The following TRPC6 variants were observed in gnomAD, a reference collection of about 807,000 sequenced individuals.
TRPC6 encodes short transient receptor potential channel 6.
Under a neutral mutation model 90.7 loss-of-function variants are expected in TRPC6, and 55 were observed. That is an observed-to-expected ratio of 0.61 (90% CI 0.49 to 0.76). The LOEUF is 0.76. Among genes scored for constraint, TRPC6 ranks in the 30% least tolerant of loss-of-function variants. TRPC6 has a pLI of 0.00. For missense variants in TRPC6, 989 were observed against 1,122.7 expected (o/e 0.88, Z 1.70); for synonymous variants, 393 against 393.0 (o/e 1.00, Z 0.00).
intron 1 of TRPC6, among the ~76,000 whole-genome samples, chr11:101,517,102 T>C (rs1189118321): frequency 6.6e-6 from 1 of 152,238 alleles, no homozygotes; most frequent in Non-Finnish European, 1.5e-5. Context: ...TTTGTCTATA[T>C]CCATTTGCAG....
Position 101,457,920 on chromosome 11 carries a change from C to G in TRPC6, c.2485-2819G>C, listed in dbSNP as rs7126090. 9.7e-3 allele frequency among the ~76,000 whole-genome samples: 1,476 copies of G among 152,204 alleles called. 35 individuals are homozygous for G. The highest frequency in any genetic ancestry group is 0.034 in the African/African-American group (1,422 of 41,498). On this transcript the variant is annotated intron_variant, in intron 10 of 12. Coordinates refer to ENST00000344327, the MANE Select transcript of TRPC6 (RefSeq NM_004621.6). ...GGCTTTAGGTCTATTTCATGGTTAA[C>G]TTTAATCTACACATACCCCTTTACT...
At position 101,558,203 on chromosome 11, in the gene TRPC6, G is replaced by A. The variant is rs1470986773; in HGVS notation, c.170+25131C>T. ...TATATAAACATACATATATATGTGT[G>A]TGTATACATGTATATATGTATACAT... is the stretch of plus-strand genomic sequence containing the variant. On this transcript the variant is annotated intron_variant, in intron 1 of 12. Coordinates refer to ENST00000344327, the MANE Select transcript of TRPC6 (RefSeq NM_004621.6). 2.8e-4 allele frequency among the ~76,000 whole-genome samples: 22 copies of A among 79,990 alleles called. 4 individuals carry two copies. Among genetic ancestry groups the A allele is most frequent in the Non-Finnish European group, 5.2e-4 (21 of 40,668 alleles). 52.5% of individuals were successfully genotyped at this position (79,990 alleles called of 152,430 possible).
chr11:101,474,836 C>G (rs1859375998), intron 6 of TRPC6, among the ~76,000 whole-genome samples: 1 of 152,146 alleles, frequency 6.6e-6, no homozygotes, highest in South Asian at 2.1e-4. Context: ...ATCCCTTAGT[C>G]ACTTTCTTCC....
At chr11:101,507,384 T>C (rs1437901488) in intron 1 of TRPC6, among the ~76,000 whole-genome samples, 1 of 151,982 alleles carries the variant, frequency 6.6e-6, no homozygotes, top group Non-Finnish European at 1.5e-5. Flanking sequence ...CTAGACTTGA[T>C]GCATGTATGT....
At position 101,463,160 on chromosome 11, in the gene TRPC6, G is replaced by C. The variant is rs559530380; in HGVS notation, c.2484+6267C>G. ...AGCCTTGCATCCCAGGGATGAAGCC[G>C]GCTTGATCATGGTGGATAAGCTTTT... On this transcript the variant is annotated intron_variant, in intron 10 of 12. Transcript: ENST00000344327. 2.5e-3 allele frequency among the ~76,000 whole-genome samples: 375 copies of C among 152,188 alleles called. 4 individuals carry two copies. The highest frequency in any genetic ancestry group is 8.5e-3 in the African/African-American group (353 of 41,514).
intron 4 of TRPC6, among the ~76,000 whole-genome samples, chr11:101,485,238 A>C (rs1424594222): frequency 6.6e-6 from 1 of 151,866 alleles, no homozygotes; most frequent in African/African-American, 2.4e-5. Context: ...AAATATGCTT[A>C]GATAAGATCA....
chr11:101,482,870 G>T, intron 5 of TRPC6, 79 bp downstream of exon 5: 2 of 1,363,496 alleles, frequency 1.5e-6, no homozygotes, highest in Non-Finnish European at 2.1e-6. Flanking sequence ...TTGTATAACT[G>T]ATGTGTGAAA....
Position 101,452,790 on chromosome 11 carries a change from T to A in TRPC6, c.*165A>T. ...CTTTACCCTGAACAATGGAGTTTAATCACCAAAAAAATTAGATACTAGGGC... is the reference window on the plus strand; with the variant it reads ...CTTTACCCTGAACAATGGAGTTTAAACACCAAAAAAATTAGATACTAGGGC... On this transcript the variant is annotated 3_prime_UTR_variant, in exon 13 of 13. Transcript: ENST00000344327. The A allele has an allele frequency of 1.4e-6, 1 of 725,048 alleles. No individual in the cohort carries two copies. Among genetic ancestry groups the A allele is most frequent in the South Asian group, 1.8e-5 (1 of 55,158 alleles). The allele number at this position is 725,048 out of a possible 1,614,324, so 44.9% of individuals were successfully genotyped here.
At chr11:101,543,105 G>A (rs1173939093) in intron 1 of TRPC6, among the ~76,000 whole-genome samples, 4 of 151,792 alleles carry the variant, frequency 2.6e-5, no homozygotes, top group Admixed American at 2.0e-4. Flanking sequence ...CAAAACAAAG[G>A]GCAAGAAATG....
At chr11:101,568,755 G>A (rs996505186) in intron 1 of TRPC6, among the ~76,000 whole-genome samples, 3 of 152,132 alleles carry the variant, frequency 2.0e-5, no homozygotes, top group African/African-American at 7.2e-5. Flanking sequence ...TTCATATCCA[G>A]CCAAACTAAG....
chr11:101,541,592 C>T (rs1015936485), intron 1 of TRPC6, among the ~76,000 whole-genome samples: 1 of 152,062 alleles, frequency 6.6e-6, no homozygotes, highest in East Asian at 1.9e-4. Flanking sequence ...AGACAGAAAG[C>T]TTAGGCCAGA....
intron 1 of TRPC6, among the ~76,000 whole-genome samples, chr11:101,564,296 T>C (rs76951159): frequency 0.029 from 4,371 of 152,312 alleles, 115 homozygotes; most frequent in African/African-American, 0.069. Flanking sequence ...TAAATGAGTA[T>C]GATTGATTTT....
intron 2 of TRPC6, among the ~76,000 whole-genome samples, chr11:101,499,511 G>A (rs550969689): frequency 5.1e-4 from 76 of 148,044 alleles, no homozygotes; most frequent in Admixed American, 9.5e-4. Flanking sequence ...TATCAACAAA[G>A]ACTAAAATAA....
At chr11:101,491,485 T>C in intron 3 of TRPC6, 71 bp downstream of exon 3, 1 of 1,553,576 alleles carries the variant, frequency 6.4e-7, no homozygotes, top group Non-Finnish European at 8.8e-7. Flanking sequence ...TCTAACAATA[T>C]CAACCCTTTA....
At chr11:101,576,988 G>C (rs541442126) in intron 1 of TRPC6, among the ~76,000 whole-genome samples, 182 of 152,186 alleles carry the variant, frequency 1.2e-3, no homozygotes, top group African/African-American at 4.2e-3. Context: ...ACACAAAACA[G>C]GTCATTTCCA....
At chr11:101,468,948 A>G (rs1859218029) in intron 10 of TRPC6, among the ~76,000 whole-genome samples, 1 of 152,176 alleles carries the variant, frequency 6.6e-6, no homozygotes, top group African/African-American at 2.4e-5. Context: ...TGCTACTCTC[A>G]GTGAAGGAGC....
chr11:101,472,804 T>C (rs1440345443), intron 7 of TRPC6, among the ~76,000 whole-genome samples: 1 of 152,130 alleles, frequency 6.6e-6, no homozygotes, highest in Non-Finnish European at 1.5e-5. Context: ...TAGGCCTAAT[T>C]ATTGACCAAA....
intron 1 of TRPC6, among the ~76,000 whole-genome samples, chr11:101,569,920 G>C (rs1861920711): frequency 6.6e-6 from 1 of 151,968 alleles, no homozygotes; most frequent in Admixed American, 6.6e-5. Context: ...AAAAGCATAA[G>C]AGATCTAAAA....
chr11:101,515,003 T>C (rs11224811), intron 1 of TRPC6, among the ~76,000 whole-genome samples: 12,619 of 152,234 alleles, frequency 0.083, 713 homozygotes, highest in Middle Eastern at 0.12. Flanking sequence ...AGCCTCGGAT[T>C]CCTTAACTGT....
Sources: gnomAD v4.1 joint callset for allele counts (sites outside exome capture counted in the v4.1 genomes callset) on GRCh38, gnomAD v4.1.1 for gene constraint, MANE v1.5 for transcripts, NCBI Gene and HGNC (gene_info 2026-07-23, HGNC 2026-07-21) for gene names.